The following IP6K3 variants were observed in gnomAD, a reference collection of about 807,000 sequenced individuals.
IP6K3 encodes inositol hexakisphosphate kinase 3.
Under a neutral mutation model 28.8 loss-of-function variants are expected in IP6K3, and 20 were observed. That is an observed-to-expected ratio of 0.70 (90% CI 0.49 to 1.01). IP6K3 has a LOEUF of 1.01. Among genes scored for constraint, IP6K3 ranks in the 50% least tolerant of loss-of-function variants. The pLI, the probability that IP6K3 is intolerant of heterozygous loss-of-function variation, is 0.00. For missense variants in IP6K3, 480 were observed against 537.1 expected (o/e 0.89, Z 1.05); for synonymous variants, 213 against 221.3 (o/e 0.96, Z 0.33).
upstream of IP6K3, among the ~76,000 whole-genome samples, chr6:33,747,901 G>A (rs1408820461): frequency 6.6e-6 from 1 of 152,100 alleles, no homozygotes; most frequent in Non-Finnish European, 1.5e-5. This position sits in a 1 kb window ranked among gnomAD's most constrained non-coding sequence, Gnocchi z 5.2. Context: ...GGCAGTGTGG[G>A]GAAGGAGACG....
intron 2 of IP6K3, among the ~76,000 whole-genome samples, chr6:33,734,279 G>C (rs1766429315): frequency 6.6e-6 from 1 of 151,750 alleles, no homozygotes; most frequent in African/African-American, 2.4e-5. Flanking sequence ...TCACAGGTCT[G>C]GCATGGGGCG....
chr6:33,731,249 C>G (rs538737742), intron 2 of IP6K3, among the ~76,000 whole-genome samples: 1 of 152,300 alleles, frequency 6.6e-6, no homozygotes, highest in South Asian at 2.1e-4. Flanking sequence ...AAGCTGCCCT[C>G]CAGCACTCCC....
chr6:33,722,893 C>G lies in IP6K3; in HGVS notation c.1060G>C (p.Gly354Arg). ...HPHEAPQAAH[G>R]SSPGGLTKVD... Reference sequence around the variant, plus strand: ...TTGGTGAGACCACCGGGAGAGCTACCGTGGGCTGCCTGGGGAGCCTCGTGA... The same window carrying G: ...TTGGTGAGACCACCGGGAGAGCTACGGTGGGCTGCCTGGGGAGCCTCGTGA... The change falls in exon 6 of 6, where the codon GGT becomes CGT. Residue 354 changes from glycine to arginine, a missense_variant. Transcript: ENST00000293756. The G allele has an allele frequency of 1.2e-6, 2 of 1,614,066 alleles. No homozygotes were observed. The highest frequency in any genetic ancestry group is 3.3e-5 in the Admixed American group (2 of 60,024).
At chr6:33,748,687 C>T (rs1766977591), upstream of IP6K3, among the ~76,000 whole-genome samples, 1 of 136,482 alleles carries the variant, frequency 7.3e-6, no homozygotes, top group South Asian at 2.6e-4. Flanking sequence ...GATGGGGAGG[C>T]TGCAGCCTGT....
chr6:33,735,360 C>T lies in IP6K3; in HGVS notation c.117G>A (p.Val39=), dbSNP rs1352569175. 3 of 1,606,540 alleles carry T rather than the reference C, an allele frequency of 1.9e-6. No homozygotes were observed. The highest frequency in any genetic ancestry group is 2.6e-6 in the Non-Finnish European group (3 of 1,176,240). ...MSVMKYDEHT[V]CKPLVSREQR... Reference sequence around the variant, plus strand: ...GCTCCCGGGAGACGAGGGGCTTGCACACCGTATGCTCGTCATACTTCATCA... The same window carrying T: ...GCTCCCGGGAGACGAGGGGCTTGCATACCGTATGCTCGTCATACTTCATCA... Residue 39 remains valine (V), a synonymous_variant, in exon 2 of 6, where the codon GTG becomes GTA. Coordinates refer to ENST00000293756, the MANE Select transcript of IP6K3 (RefSeq NM_054111.5).
chr6:33,732,441 C>A (rs1766353783), intron 2 of IP6K3, among the ~76,000 whole-genome samples: 1 of 152,242 alleles, frequency 6.6e-6, no homozygotes, highest in Non-Finnish European at 1.5e-5. Flanking sequence ...TGCCCCTGAC[C>A]TGAGGTCCTA....
the IP6K3 span, among the ~76,000 whole-genome samples, chr6:33,759,691 G>A: frequency 1.3e-5 from 2 of 152,222 alleles, no homozygotes; most frequent in East Asian, 1.9e-4. Flanking sequence ...GTGAAACCCC[G>A]TCTCTACTAA....
intron 2 of IP6K3, 103 bp from the exon 3 acceptor site, chr6:33,728,403 G>T: frequency 9.7e-7 from 1 of 1,031,864 alleles, no homozygotes; most frequent in East Asian, 2.5e-5. Context: ...AATGGCCCTG[G>T]TCCACCTCCT....
At chr6:33,728,929 T>C (rs1766222628) in intron 2 of IP6K3, among the ~76,000 whole-genome samples, 1 of 152,198 alleles carries the variant, frequency 6.6e-6, no homozygotes, top group Non-Finnish European at 1.5e-5. Flanking sequence ...GCCTGCCATT[T>C]CCTCTGGTTA....
chr6:33,758,799 A>G, the IP6K3 span, among the ~76,000 whole-genome samples: 3 of 152,134 alleles, frequency 2.0e-5, no homozygotes, highest in Non-Finnish European at 4.4e-5. Flanking sequence ...ATGTTTCACC[A>G]TGTTGGCCAG....
intron 1 of IP6K3, among the ~76,000 whole-genome samples, chr6:33,736,664 C>T (rs1231353386): frequency 1.3e-5 from 2 of 152,178 alleles, no homozygotes; most frequent in Non-Finnish European, 2.9e-5. Flanking sequence ...CCTTGGCCTC[C>T]CAAAGTGCTG....
intron 1 of IP6K3, among the ~76,000 whole-genome samples, chr6:33,745,012 C>G (rs541986035): frequency 7.4e-4 from 113 of 152,352 alleles, no homozygotes; most frequent in Middle Eastern, 6.8e-3. Context: ...TGAGGCCTCT[C>G]AGCTGCCAGC....
upstream of IP6K3, among the ~76,000 whole-genome samples, chr6:33,751,281 G>A (rs759041214): frequency 6.6e-6 from 1 of 152,156 alleles, no homozygotes; most frequent in Non-Finnish European, 1.5e-5. This position sits in a 1 kb window ranked among gnomAD's most constrained non-coding sequence, Gnocchi z 4.3. Flanking sequence ...CTGCCCTGTC[G>A]GGCTCCCCAA....
At chr6:33,754,867 C>T in the IP6K3 span, among the ~76,000 whole-genome samples, 95,427 of 152,130 alleles carry the variant, frequency 0.63, 30,535 homozygotes, top group East Asian at 0.88. Context: ...GGCACTGTTA[C>T]AACCATGAAT....
Position 33,726,903 on chromosome 6 carries a change from C to T in IP6K3, c.417G>A (p.Pro139=), listed in dbSNP as rs775394123. ...AQLARSPKES[P]AKALLRSEPH... ...GCTCGGACCTCAGAAGAGCCTTGGC[C>T]GGGCTGCGGCGGAGTGGAGCACAGG... Residue 139 remains proline (P), a synonymous_variant, in exon 4 of 6, where the codon CCG becomes CCA. Coordinates refer to ENST00000293756, the MANE Select transcript of IP6K3 (RefSeq NM_054111.5). 29 of 1,597,228 alleles carry T rather than the reference C, an allele frequency of 1.8e-5. No individual in the cohort carries two copies. Among genetic ancestry groups the T allele is most frequent in the East Asian group, 2.3e-5 (1 of 44,442 alleles).
chr6:33,725,480 G>C lies in IP6K3; in HGVS notation c.726C>G (p.Ser242Arg). 1 of 1,613,344 alleles carries C rather than the reference G, an allele frequency of 6.2e-7. No homozygotes were observed. Among genetic ancestry groups the C allele is most frequent in the Non-Finnish European group, 8.5e-7 (1 of 1,180,016 alleles). Residue 242 changes from serine to arginine, a missense_variant, in exon 5 of 6, where the codon AGC becomes AGG. Ser to Arg is a moderately radical substitution (Grantham distance 110). Coordinates refer to ENST00000293756, the MANE Select transcript of IP6K3 (RefSeq NM_054111.5). ...TGCGCACACCCAGGCAGGCTGAGGT[G>C]CTCTGCGCACACTTCCTCATGTGGC... ...KARHMRKCAQ[S>R]TSACLGVRIC...
Position 33,723,172 on chromosome 6 carries a change from T to G in IP6K3, c.781A>C (p.Lys261Gln), listed in dbSNP as rs751695454. 6.3e-7 allele frequency: 1 copy of G among 1,575,268 alleles called. No homozygotes were observed. The highest frequency in any genetic ancestry group is 1.2e-5 in the South Asian group (1 of 85,880). ...TTGTCTTTGCAGAGAAAGTACTTCT[T>G]ATCTGTTTGATAAACCTTACATTAA... ...ICGMQVYQTD[K>Q]KYFLCKDKYY... The change falls in exon 6 of 6, where the codon AAG becomes CAG. Residue 261 changes from lysine (K) to glutamine (Q), a missense_variant. By Grantham distance (53) the Lys-to-Gln change is moderately conservative. Coordinates refer to ENST00000293756, the MANE Select transcript of IP6K3 (RefSeq NM_054111.5).
chr6:33,753,153 A>G, the IP6K3 span, among the ~76,000 whole-genome samples: 55 of 152,280 alleles, frequency 3.6e-4, 1 homozygote, highest in African/African-American at 1.2e-3. Flanking sequence ...CCTGGGCTCA[A>G]GAGATCTTCC....
intron 2 of IP6K3, among the ~76,000 whole-genome samples, chr6:33,733,260 T>C (rs1766380914): frequency 6.6e-6 from 1 of 152,244 alleles, no homozygotes; most frequent in Non-Finnish European, 1.5e-5. Context: ...CTCAAATTAA[T>C]GTACTGAGTT....
Sources: allele counts gnomAD v4.1 joint callset (sites outside exome capture counted in the v4.1 genomes callset), GRCh38; gene constraint gnomAD v4.1.1; non-coding constraint Gnocchi (gnomAD v3.1); transcripts MANE v1.5; gene names NCBI Gene and HGNC (gene_info 2026-07-23, HGNC 2026-07-21).